Variants in RIC1 observed in about 807,000 individuals in gnomAD.
The protein encoded by RIC1 is RIC1 partner of RAB6A GEF complex.
A neutral mutation model predicts 169.0 loss-of-function variants in RIC1; 88 were observed. The observed-to-expected ratio is 0.52, with a 90% confidence interval of 0.44 to 0.62. The LOEUF (loss-of-function observed/expected upper bound fraction) is 0.62, where lower values mean the gene tolerates loss of function less well. Among genes scored for constraint, RIC1 ranks in the 20% least tolerant of loss-of-function variants. The pLI, the probability that RIC1 is intolerant of heterozygous loss-of-function variation, is 0.00. For synonymous variants in RIC1, 790 were observed against 601.5 expected, an observed-to-expected ratio of 1.31 and a Z score of -4.59; for missense variants, 1,877 against 1,725.5, an observed-to-expected ratio of 1.09 and a Z score of -1.56.
intron 2 of RIC1, among the ~76,000 whole-genome samples, chr9:5,671,567 C>T (rs1033228685): frequency 2.6e-5 from 4 of 152,206 alleles, no homozygotes; most frequent in African/African-American, 9.7e-5. Context: ...TGAGTCACTG[C>T]ACCCAGCCTG....
chr9:5,661,815 C>A (rs766567250), intron 2 of RIC1, among the ~76,000 whole-genome samples: 9 of 151,962 alleles, frequency 5.9e-5, no homozygotes, highest in Non-Finnish European at 8.8e-5. Flanking sequence ...ATTTGAATAC[C>A]CTTTATTTCT....
intron 6 of RIC1, among the ~76,000 whole-genome samples, chr9:5,725,119 T>G (rs1157437781): frequency 6.6e-6 from 1 of 152,224 alleles, no homozygotes; most frequent in Non-Finnish European, 1.5e-5. Flanking sequence ...TTGGAATAGT[T>G]TCAGAAGGAA....
intron 7 of RIC1, among the ~76,000 whole-genome samples, chr9:5,734,169 T>TA (rs1380503627): frequency 1.3e-5 from 2 of 151,550 alleles, no homozygotes; most frequent in African/African-American, 4.8e-5. Flanking sequence ...TGCAAGAGCG[T>TA]GATCTTGGCT....
intron 2 of RIC1, among the ~76,000 whole-genome samples, chr9:5,667,778 AC>A (rs1422045271): frequency 2.6e-5 from 4 of 152,258 alleles, no homozygotes; most frequent in Middle Eastern, 3.4e-3. Context: ...TGCTGGGATT[AC>A]AGGCATGAGC....
At chr9:5,668,057 C>G (rs1222327583) in intron 2 of RIC1, among the ~76,000 whole-genome samples, 1 of 152,120 alleles carries the variant, frequency 6.6e-6, no homozygotes, top group African/African-American at 2.4e-5. Flanking sequence ...ACAATCATGG[C>G]AGCAGGGGAA....
chr9:5,720,131 A>G, intron 4 of RIC1, 51 bp from the exon 5 acceptor site: 1 of 1,467,206 alleles, frequency 6.8e-7, no homozygotes, highest in Non-Finnish European at 9.4e-7. Flanking sequence ...ATATTCATAC[A>G]CATTGCTTTC....
In RIC1 at chr9:5,629,184, G is replaced by C. The variant is rs1055712585; in HGVS notation, c.-126G>C. On this transcript the variant is annotated 5_prime_UTR_variant, in exon 1 of 26. Transcript: ENST00000414202. ...CCCGGCCCGGCCAGGCCAGCGGGCA[G>C]ATGCCCCGAGCTGCCGCCGCCGCCG... 2.0e-6 allele frequency: 2 copies of C among 984,346 alleles called. No individual in the cohort carries two copies. The highest frequency in any genetic ancestry group is 3.2e-5 in the South Asian group (1 of 31,654). 61.0% of individuals were successfully genotyped at this position (984,346 alleles called of 1,614,324 possible). A position where few individuals can be genotyped will look rare whatever the true frequency, so the allele number is the denominator to read the frequency against.
intron 2 of RIC1, among the ~76,000 whole-genome samples, chr9:5,664,870 C>G (rs1819658300): frequency 6.6e-6 from 1 of 152,172 alleles, no homozygotes; most frequent in Non-Finnish European, 1.5e-5. Flanking sequence ...TCTTCAAGCT[C>G]TGAGATTCTT....
rs539291041 is a variant in RIC1, at chr9:5,666,225, A to G, written c.252+9535A>G. ...CATGATCTGGCAGTGTGGCTGTGCTACACTGCAGGAAACCTTTCTCTTCCA... is the reference window on the plus strand; with the variant it reads ...CATGATCTGGCAGTGTGGCTGTGCTGCACTGCAGGAAACCTTTCTCTTCCA... On this transcript the variant is annotated intron_variant, in intron 2 of 25. Transcript: ENST00000414202. 5.3e-5 allele frequency among the ~76,000 whole-genome samples: 8 copies of G among 152,344 alleles called. No individual in the cohort carries two copies. In the East Asian group the frequency reaches 1.2e-3, roughly 22 times the overall value.
At chr9:5,721,408 C>T (rs1587017200) in intron 6 of RIC1, among the ~76,000 whole-genome samples, 1 of 152,176 alleles carries the variant, frequency 6.6e-6, no homozygotes, top group African/African-American at 2.4e-5. Context: ...CTAACAGGCT[C>T]CCACTTCACA....
intron 10 of RIC1, 146 bp from the exon 11 acceptor site, chr9:5,745,785 T>C (rs995413023): frequency 3.1e-6 from 2 of 641,918 alleles, no homozygotes; most frequent in African/African-American, 3.6e-5. Context: ...GTGATTCTTG[T>C]CTGTGTTATC....
At chr9:5,677,931 T>C (rs577888696) in intron 2 of RIC1, among the ~76,000 whole-genome samples, 1 of 152,240 alleles carries the variant, frequency 6.6e-6, no homozygotes, top group East Asian at 1.9e-4. Flanking sequence ...ACATGTGCCA[T>C]GTTAGTGTGA....
At chr9:5,647,837 A>G (rs1415884807) in intron 1 of RIC1, among the ~76,000 whole-genome samples, 1 of 151,704 alleles carries the variant, frequency 6.6e-6, no homozygotes, top group Non-Finnish European at 1.5e-5. Flanking sequence ...TTTGAGGAAA[A>G]GCTTTCCATC....
At chr9:5,716,305 A>G (rs761005564) in intron 4 of RIC1, among the ~76,000 whole-genome samples, 2 of 152,184 alleles carry the variant, frequency 1.3e-5, no homozygotes, top group Non-Finnish European at 2.9e-5. Context: ...CAGTTGTGAT[A>G]TTAAAAATAT....
At chr9:5,665,822 C>T (rs1819718017) in intron 2 of RIC1, among the ~76,000 whole-genome samples, 1 of 152,166 alleles carries the variant, frequency 6.6e-6, no homozygotes. Flanking sequence ...GAAGCTCCTT[C>T]ACAGGGGGGT....
intron 1 of RIC1, among the ~76,000 whole-genome samples, chr9:5,638,651 T>G (rs1335355542): frequency 6.6e-6 from 1 of 152,216 alleles, no homozygotes; most frequent in East Asian, 1.9e-4. Context: ...TTTGTGATGA[T>G]CGTTTGAATT....
intron 7 of RIC1, among the ~76,000 whole-genome samples, chr9:5,737,513 A>C (rs1400003899): frequency 6.8e-6 from 1 of 147,442 alleles, no homozygotes; most frequent in Non-Finnish European, 1.5e-5. Flanking sequence ...TATTTTTACC[A>C]CAAATATATT....
rs1349692400 is a variant in RIC1 at position 5,724,169 on chromosome 9, T to C, written c.720+3419T>C. 2.6e-5 allele frequency among the ~76,000 whole-genome samples: 4 copies of C among 152,364 alleles called. No homozygotes were observed. The East Asian group carries it at 7.7e-4, about 29-fold the overall frequency. On this transcript the variant is annotated intron_variant, in intron 6 of 25. Coordinates refer to ENST00000414202, the MANE Select transcript of RIC1 (RefSeq NM_020829.4). Reference sequence around the variant, plus strand: ...TTGGGCAGTATGGCCATTTTCACAATATTGATTCTTCCTATCCATGAGCAT... The same window carrying C: ...TTGGGCAGTATGGCCATTTTCACAACATTGATTCTTCCTATCCATGAGCAT...
intron 1 of RIC1, 87 bp downstream of exon 1, chr9:5,629,540 A>T (rs1817614670): frequency 2.2e-6 from 3 of 1,363,358 alleles, no homozygotes; most frequent in African/African-American, 1.5e-5. Flanking sequence ...AGAGCCTAGG[A>T]CTCCTGCCCC....
Sources: allele counts gnomAD v4.1 joint callset (sites outside exome capture counted in the v4.1 genomes callset), GRCh38; gene constraint gnomAD v4.1.1; transcripts MANE v1.5; gene names NCBI Gene and HGNC (gene_info 2026-07-23, HGNC 2026-07-21).